The following BBS5 variants were observed in gnomAD, a reference collection of about 807,000 sequenced individuals.
BBS5 encodes BBSome complex member BBS5.
Under a neutral mutation model 50.2 loss-of-function variants are expected in BBS5, and 39 were observed. That is an observed-to-expected ratio of 0.78 (90% CI 0.60 to 1.01). BBS5 has a LOEUF of 1.01. BBS5 is among the 50% of genes least tolerant of loss of function. The probability of loss-of-function intolerance (pLI) is 0.00; values close to 1 mark genes in which losing one functional copy is unlikely to be tolerated. For synonymous variants in BBS5, 134 were observed against 133.1 expected (o/e 1.01, Z -0.05); for missense variants, 356 against 401.5 (o/e 0.89, Z 0.97).
intron 3 of BBS5, 46 bp downstream of exon 3, chr2:169,487,180 C>G (rs773317452): frequency 2.2e-6 from 3 of 1,361,810 alleles, no homozygotes; most frequent in South Asian, 1.2e-5. Flanking sequence ...AATCCTTTGT[C>G]AGGTGAATTT....
rs1683878985 is a variant in BBS5, at chr2:169,505,005, C to T, written c.*423C>T. On this transcript the variant is annotated 3_prime_UTR_variant, in exon 12 of 12. Transcript: ENST00000295240. Reference sequence around the variant, plus strand: ...GATAAAGAACTTCTTCCCAAAATGGCCGAAGCTGGACTGTACTGCTGCCAT... The same window carrying T: ...GATAAAGAACTTCTTCCCAAAATGGTCGAAGCTGGACTGTACTGCTGCCAT... 18 of 1,607,170 alleles carry T rather than the reference C, an allele frequency of 1.1e-5. No homozygotes were observed. In the South Asian group the frequency reaches 1.9e-4, roughly 17 times the overall value.
chr2:169,489,851 CTTTTTTTTTTTTTTT>C (rs71003093), intron 5 of BBS5, among the ~76,000 whole-genome samples: 1 of 65,896 alleles, frequency 1.5e-5, no homozygotes, highest in African/African-American at 8.3e-5. Flanking sequence ...CATAAATTTC[CTTTTTTTTTTTTTTT>C]TTTTTTTTTT....
intron 5 of BBS5, among the ~76,000 whole-genome samples, chr2:169,489,700 C>G (rs1683556253): frequency 6.6e-6 from 1 of 150,870 alleles, no homozygotes. Context: ...GCCCTAAGTG[C>G]TATGATTTTT....
Position 169,499,480 on chromosome 2 carries a change from T to A in BBS5, c.682-6T>A, listed in dbSNP as rs759783371. The stretch of plus-strand genomic sequence containing the variant: ...GGGTTTTTTTTTATTATTTTTTCTC[T>A]TGTAGAGTGGTGGATATGTTCTTGG... On this transcript the variant is annotated splice_region_variant and splice_polypyrimidine_tract_variant and intron_variant, in intron 8 of 11. Coordinates refer to ENST00000295240, the MANE Select transcript of BBS5 (RefSeq NM_152384.3). The A allele has an allele frequency of 1.9e-6, 3 of 1,612,542 alleles. No individual in the cohort carries two copies. In the African/African-American group the frequency reaches 4.0e-5, roughly 22 times the overall value.
At chr2:169,493,666 A>T in intron 6 of BBS5, 75 bp from the exon 7 acceptor site, 1 of 1,027,330 alleles carries the variant, frequency 9.7e-7, no homozygotes, top group East Asian at 2.4e-5. Context: ...GTAATAAGTT[A>T]TTCTGGTGAT....
intron 9 of BBS5, among the ~76,000 whole-genome samples, chr2:169,502,385 A>T (rs947306888): frequency 4.6e-5 from 7 of 152,218 alleles, no homozygotes; most frequent in African/African-American, 1.7e-4. Flanking sequence ...TTGAAACACT[A>T]AGGCTATCCT....
At chr2:169,488,224 T>C in intron 5 of BBS5, 110 bp downstream of exon 5, 1 of 1,051,270 alleles carries the variant, frequency 9.5e-7, no homozygotes, top group South Asian at 1.4e-5. Context: ...TGGAAGACAG[T>C]TTTTCCACGA....
chr2:169,488,180 T>C, intron 5 of BBS5, 66 bp downstream of exon 5: 1 of 1,526,414 alleles, frequency 6.6e-7, no homozygotes, highest in Non-Finnish European at 9.0e-7. Flanking sequence ...ACTGCAACAG[T>C]CCCCAACCTT....
At chr2:169,491,934 C>CT (rs2105297209) in intron 5 of BBS5, among the ~76,000 whole-genome samples, 1 of 152,164 alleles carries the variant, frequency 6.6e-6, no homozygotes, top group East Asian at 2.0e-4. Context: ...GTAGATGAGA[C>CT]TACAAGTGCA....
At position 169,502,535 on chromosome 2, in the gene BBS5, C is replaced by T. The variant is rs75613666; in HGVS notation, c.817-560C>T. On this transcript the variant is annotated intron_variant, in intron 9 of 11. Coordinates refer to ENST00000295240, the MANE Select transcript of BBS5 (RefSeq NM_152384.3). ...CGGTCATTGTGTCTTATATTTTCCTCTACTCAGTAAATTATAAACCCTTTG... is the reference window on the plus strand; with the variant it reads ...CGGTCATTGTGTCTTATATTTTCCTTTACTCAGTAAATTATAAACCCTTTG... 2.0e-3 allele frequency among the ~76,000 whole-genome samples: 301 copies of T among 152,276 alleles called. 14 individuals carry two copies. In the East Asian group the frequency reaches 0.055, roughly 28 times the overall value.
chr2:169,484,694 TAG>T (rs1683459853), intron 2 of BBS5, among the ~76,000 whole-genome samples: 1 of 152,234 alleles, frequency 6.6e-6, no homozygotes, highest in Non-Finnish European at 1.5e-5. Context: ...CCATAGCTCA[TAG>T]CCCAGTTATA....
Position 169,499,173 on chromosome 2 carries a change from TTA to T in BBS5, c.682-309_682-308del. ...GTTACCTTTGATATTTCAGATGAAC[TTA>T]TATTTGAATACACTTCAAAATAAGC... On this transcript the variant is annotated intron_variant, in intron 8 of 11. Coordinates refer to ENST00000295240, the MANE Select transcript of BBS5 (RefSeq NM_152384.3). The T allele has an allele frequency of 1.7e-5, 5 of 293,586 alleles. 1 individual carries two copies. In the South Asian group the frequency reaches 2.0e-4, roughly 12 times the overall value. 18.2% of individuals were successfully genotyped at this position (293,586 alleles called of 1,614,324 possible). A position where few individuals can be genotyped will look rare whatever the true frequency, so the allele number is the denominator to read the frequency against.
intron 2 of BBS5, among the ~76,000 whole-genome samples, chr2:169,483,227 G>C (rs1683431451): frequency 6.6e-6 from 1 of 152,186 alleles, no homozygotes; most frequent in South Asian, 2.1e-4. Flanking sequence ...ACTTTCTTCT[G>C]ACCTGCTCTG....
rs137853921 is a variant in BBS5 at position 169,493,769 on chromosome 2, A to G, written c.551A>G (p.Asn184Ser). ...QGNLGTFFIT[N>S]VRIVWHANMN... ...AATTTAGGAACCTTTTTTATTACCA[A>G]TGTGAGAATTGTGTGGCATGCAAAT... Residue 184 changes from asparagine (N) to serine (S), a missense_variant, in exon 7 of 12, where the codon AAT (asparagine) becomes AGT (serine). Coordinates refer to ENST00000295240, the MANE Select transcript of BBS5 (RefSeq NM_152384.3). 5.1e-3 allele frequency: 8,165 copies of G among 1,612,686 alleles called. 23 individuals carry two copies. The highest frequency in any genetic ancestry group is 6.1e-3 in the Non-Finnish European group (7,245 of 1,178,790).
In BBS5 at chr2:169,504,806, G is replaced by A. The variant is rs1194355583; in HGVS notation, c.*224G>A. On this transcript the variant is annotated 3_prime_UTR_variant, in exon 12 of 12. Transcript: ENST00000295240. Reference sequence around the variant, plus strand: ...CACATGGCCTAGTAACCGTCCGGCCGCGGCGCTGGCTTAAGCCATGGCTGA... The same window carrying A: ...CACATGGCCTAGTAACCGTCCGGCCACGGCGCTGGCTTAAGCCATGGCTGA... 39 of 1,560,436 alleles carry A rather than the reference G, an allele frequency of 2.5e-5. No homozygotes were observed. The highest frequency in any genetic ancestry group is 1.9e-4 in the Middle Eastern group (1 of 5,312).
At chr2:169,494,179 G>A (rs1683653349) in intron 7 of BBS5, among the ~76,000 whole-genome samples, 1 of 152,140 alleles carries the variant, frequency 6.6e-6, no homozygotes, top group Non-Finnish European at 1.5e-5. Context: ...TTTTCATGAG[G>A]CAGGTATGTG....
At chr2:169,480,068 T>G (rs905941156) in intron 1 of BBS5, among the ~76,000 whole-genome samples, 10 of 152,304 alleles carry the variant, frequency 6.6e-5, no homozygotes, top group African/African-American at 2.4e-4. Context: ...GTCTTCATCA[T>G]TCAAGCTAGA....
In BBS5 at chr2:169,502,982, C is replaced by T. The variant is rs1460704749; in HGVS notation, c.817-113C>T. The T allele has an allele frequency of 3.8e-5, 30 of 795,442 alleles. No individual in the cohort carries two copies. The East Asian group carries it at 4.9e-4, about 13-fold the overall frequency. 49.3% of individuals were successfully genotyped at this position (795,442 alleles called of 1,614,324 possible). ...TTTTTAATAAAATAACAAATTATAC[C>T]GTGATTTTTATAAGACTTTAGTAGT... On this transcript the variant is annotated intron_variant, in intron 9 of 11. Coordinates refer to ENST00000295240, the MANE Select transcript of BBS5 (RefSeq NM_152384.3).
chr2:169,499,729 G>A (rs1339547481), intron 9 of BBS5, 109 bp downstream of exon 9: 3 of 1,162,972 alleles, frequency 2.6e-6, no homozygotes, highest in Non-Finnish European at 3.8e-6. Flanking sequence ...TTTTAAAATG[G>A]TGAATATACA....
Sources: allele counts gnomAD v4.1 joint callset (sites outside exome capture counted in the v4.1 genomes callset), GRCh38; gene constraint gnomAD v4.1.1; transcripts MANE v1.5; gene names NCBI Gene and HGNC (gene_info 2026-07-23, HGNC 2026-07-21).